LHFPL6: variants seen among roughly 807,000 people sequenced by gnomAD.
LHFPL6 encodes LHFPL tetraspan subfamily member 6 protein.
A neutral mutation model predicts 20.6 loss-of-function variants in LHFPL6; 9 were observed. The ratio of observed to expected loss-of-function variants is 0.44; its 90% confidence interval spans 0.26 to 0.76. LHFPL6 has a LOEUF of 0.76. Among genes scored for constraint, LHFPL6 ranks in the 30% least tolerant of loss-of-function variants. LHFPL6 has a pLI of 0.20. For synonymous variants in LHFPL6, 105 were observed against 98.7 expected, an observed-to-expected ratio of 1.06 and a Z score of -0.38; for missense variants, 218 against 253.5, an observed-to-expected ratio of 0.86 and a Z score of 0.95.
intron 2 of LHFPL6, among the ~76,000 whole-genome samples, chr13:39,580,478 A>G (rs1254463305): frequency 6.6e-6 from 1 of 152,232 alleles, no homozygotes; most frequent in African/African-American, 2.4e-5. Context: ...GGAAAGCAAT[A>G]GAAAACTAAA....
intron 2 of LHFPL6, among the ~76,000 whole-genome samples, chr13:39,446,455 G>A (rs1282910336): frequency 6.6e-6 from 1 of 152,216 alleles, no homozygotes; most frequent in Non-Finnish European, 1.5e-5. Context: ...GGGTGCAGAA[G>A]TTAAACAGAT....
chr13:39,436,346 T>C (rs1871955996), intron 2 of LHFPL6, among the ~76,000 whole-genome samples: 1 of 152,250 alleles, frequency 6.6e-6, no homozygotes, highest in South Asian at 2.1e-4. Context: ...TTATTTTTGA[T>C]GTCCTGTTAA....
chr13:39,345,512 CAA>C (rs71077225), intron 3 of LHFPL6, among the ~76,000 whole-genome samples: 82 of 43,452 alleles, frequency 1.9e-3, no homozygotes, highest in South Asian at 6.3e-3. Flanking sequence ...GACTCCATCT[CAA>C]AAAAAAAAAA....
At chr13:39,539,689 T>C (rs1198317171) in intron 2 of LHFPL6, among the ~76,000 whole-genome samples, 6 of 152,198 alleles carry the variant, frequency 3.9e-5, no homozygotes, top group African/African-American at 7.2e-5. Flanking sequence ...CAGATTCAAT[T>C]AAAATGTGTG....
intron 2 of LHFPL6, among the ~76,000 whole-genome samples, chr13:39,496,993 C>G (rs536670116): frequency 1.3e-5 from 2 of 152,266 alleles, no homozygotes; most frequent in East Asian, 1.9e-4. Flanking sequence ...AATGCAGAAG[C>G]TTATCCCAGA....
intron 2 of LHFPL6, among the ~76,000 whole-genome samples, chr13:39,477,173 G>C (rs1873103973): frequency 6.6e-6 from 1 of 151,940 alleles, no homozygotes; most frequent in African/African-American, 2.4e-5. Context: ...TGCAACCTCT[G>C]TTTCTGAGCT....
chr13:39,460,726 A>G (rs1872669383), intron 2 of LHFPL6, among the ~76,000 whole-genome samples: 1 of 152,164 alleles, frequency 6.6e-6, no homozygotes, highest in South Asian at 2.1e-4. Context: ...CAGACATTTC[A>G]TTTGCTCTTT....
At chr13:39,355,731 G>A (rs545612033) in intron 3 of LHFPL6, among the ~76,000 whole-genome samples, 68 of 152,288 alleles carry the variant, frequency 4.5e-4, no homozygotes, top group Non-Finnish European at 7.9e-4. Context: ...AGCAGGGGTT[G>A]CTATTCTTAT....
Position 39,391,526 on chromosome 13 carries a change from C to T in LHFPL6, c.386-13000G>A, listed in dbSNP as rs146084129. On this transcript the variant is annotated intron_variant, in intron 2 of 3. Transcript: ENST00000379589. ...TATAAAACATACAGACATATACATA[C>T]ATATGTGTGTATCAAACCTTATATA... is the stretch of plus-strand genomic sequence containing the variant. 7.5e-4 allele frequency among the ~76,000 whole-genome samples: 114 copies of T among 152,150 alleles called. 1 individual carries two copies. The East Asian group carries it at 0.02, about 27-fold the overall frequency.
intron 3 of LHFPL6, among the ~76,000 whole-genome samples, chr13:39,346,795 T>G (rs1011896988): frequency 3.9e-5 from 6 of 152,098 alleles, no homozygotes; most frequent in Non-Finnish European, 8.8e-5. Context: ...GAGGCCAAGG[T>G]GGCTGGATCA....
chr13:39,587,909 T>C (rs942223617), intron 2 of LHFPL6, among the ~76,000 whole-genome samples: 5 of 152,000 alleles, frequency 3.3e-5, no homozygotes, highest in Admixed American at 3.3e-4. Flanking sequence ...GGAGGAACCA[T>C]GCCCACGAAA....
At chr13:39,418,230 G>A (rs1871392889) in intron 2 of LHFPL6, among the ~76,000 whole-genome samples, 1 of 151,718 alleles carries the variant, frequency 6.6e-6, no homozygotes, top group African/African-American at 2.4e-5. Context: ...TTCTTTACAT[G>A]GGATTTGAAA....
chr13:39,474,981 A>T (rs1873046916), intron 2 of LHFPL6, among the ~76,000 whole-genome samples: 1 of 152,172 alleles, frequency 6.6e-6, no homozygotes, highest in African/African-American at 2.4e-5. Flanking sequence ...AACTTTTTAA[A>T]CACAGAGTCC....
At chr13:39,513,186 A>G (rs568655642) in intron 2 of LHFPL6, among the ~76,000 whole-genome samples, 3 of 152,356 alleles carry the variant, frequency 2.0e-5, no homozygotes, top group African/African-American at 7.2e-5. Flanking sequence ...TTTAGAGCAA[A>G]TCAAATAACT....
At chr13:39,473,499 A>T (rs941671172) in intron 2 of LHFPL6, among the ~76,000 whole-genome samples, 2 of 149,526 alleles carry the variant, frequency 1.3e-5, no homozygotes, top group African/African-American at 2.5e-5. Context: ...AGGATGTGGC[A>T]TTTTTTTTTT....
chr13:39,408,792 A>T (rs1046402570), intron 2 of LHFPL6, among the ~76,000 whole-genome samples: 1 of 152,250 alleles, frequency 6.6e-6, no homozygotes, highest in Non-Finnish European at 1.5e-5. Flanking sequence ...TTCCAGCAGC[A>T]TGACCAGAAA....
At chr13:39,480,656 C>A (rs936744094) in intron 2 of LHFPL6, among the ~76,000 whole-genome samples, 1 of 152,100 alleles carries the variant, frequency 6.6e-6, no homozygotes, top group African/African-American at 2.4e-5. Context: ...AAGAGGCCAC[C>A]CTTTTTTACT....
chr13:39,497,105 T>C (rs1263789728), intron 2 of LHFPL6, among the ~76,000 whole-genome samples: 1 of 152,274 alleles, frequency 6.6e-6, no homozygotes, highest in Admixed American at 6.5e-5. Flanking sequence ...GCTCATCATC[T>C]TGAGCAAGTA....
intron 2 of LHFPL6, among the ~76,000 whole-genome samples, chr13:39,384,713 G>A (rs553836463): frequency 6.6e-6 from 1 of 152,216 alleles, no homozygotes; most frequent in African/African-American, 2.4e-5. Flanking sequence ...TTGCTTCTGG[G>A]GAGTATATGG....
Sources: allele counts gnomAD v4.1 joint callset (sites outside exome capture counted in the v4.1 genomes callset), GRCh38; gene constraint gnomAD v4.1.1; transcripts MANE v1.5; gene names NCBI Gene and HGNC (gene_info 2026-07-23, HGNC 2026-07-21).